The following MME variants were observed in gnomAD, a reference collection of about 807,000 sequenced individuals.
MME encodes neprilysin.
MME carries 98 observed loss-of-function variants against 113.2 expected under a neutral mutation model. The ratio of observed to expected loss-of-function variants is 0.87; its 90% CI spans 0.74 to 1.02. The LOEUF is 1.02. MME is among the 50% of genes least tolerant of loss of function. The probability of loss-of-function intolerance (pLI) is 0.00; values close to 1 mark genes in which losing one functional copy is unlikely to be tolerated. For synonymous variants in MME, 292 were observed against 300.6 expected, an observed-to-expected ratio of 0.97 and a Z score of 0.30; for missense variants, 836 against 896.0, an observed-to-expected ratio of 0.93 and a Z score of 0.86.
intron 1 of MME, among the ~76,000 whole-genome samples, chr3:155,042,214 A>G (rs1713344087): frequency 6.6e-6 from 1 of 151,508 alleles, no homozygotes; most frequent in Non-Finnish European, 1.5e-5. Flanking sequence ...TAGATTCTGA[A>G]CAATTGTTGC....
chr3:155,095,231 G>T (rs1256300484), intron 3 of MME, among the ~76,000 whole-genome samples: 1 of 152,174 alleles, frequency 6.6e-6, no homozygotes, highest in Admixed American at 6.5e-5. Flanking sequence ...AGATGTTAAG[G>T]GGTATAGGAA....
chr3:155,103,559 G>A (rs9834487), intron 3 of MME, among the ~76,000 whole-genome samples: 13,846 of 152,182 alleles, frequency 0.091, 786 homozygotes, highest in South Asian at 0.2. Context: ...AACAGTTTCC[G>A]GATGTGTTTC....
At chr3:155,031,159 T>G (rs1712956788) in intron 1 of MME, among the ~76,000 whole-genome samples, 1 of 152,272 alleles carries the variant, frequency 6.6e-6, no homozygotes, top group South Asian at 2.1e-4. Context: ...TTTACAGACA[T>G]GTTAAGCTTT....
chr3:155,169,123 A>G (rs1156283743), intron 20 of MME, among the ~76,000 whole-genome samples: 1 of 152,194 alleles, frequency 6.6e-6, no homozygotes, highest in Non-Finnish European at 1.5e-5. Context: ...TAATTTTTTT[A>G]GAAGAAATGT....
intron 1 of MME, among the ~76,000 whole-genome samples, chr3:155,055,697 C>T (rs79734515): frequency 0.01 from 1,536 of 152,160 alleles, 21 homozygotes; most frequent in African/African-American, 0.033. Context: ...TGTTTATTCT[C>T]GGGAGAGATG....
Position 155,160,423 on chromosome 3 carries a change from T to A in MME, c.1635T>A (p.Phe545Leu), listed in dbSNP as rs1223528672. Residue 545 changes from phenylalanine (F) to leucine (L), a missense_variant, in exon 17 of 23, where the codon TTT becomes TTA. Transcript: ENST00000360490. ...WISGAAVVNA[F>L]YSSGRNQIVF... ...GTGGAGCAGCTGTAGTCAATGCATTTTACTCTTCAGGAAGAAATCAGATAG... is the reference window on the plus strand; with the variant it reads ...GTGGAGCAGCTGTAGTCAATGCATTATACTCTTCAGGAAGAAATCAGATAG... 1 of 1,608,318 alleles carries A rather than the reference T, an allele frequency of 6.2e-7. No homozygotes were observed. Among genetic ancestry groups the A allele is most frequent in the Non-Finnish European group, 8.5e-7 (1 of 1,175,112 alleles).
intron 1 of MME, among the ~76,000 whole-genome samples, chr3:155,056,781 T>G (rs1713944176): frequency 6.6e-6 from 1 of 152,182 alleles, no homozygotes; most frequent in African/African-American, 2.4e-5. Flanking sequence ...TGAACTAGTT[T>G]ACAGTCCCAC....
At chr3:155,130,611 C>T (rs1056589570) in intron 8 of MME, among the ~76,000 whole-genome samples, 1 of 152,040 alleles carries the variant, frequency 6.6e-6, no homozygotes, top group Admixed American at 6.6e-5. Flanking sequence ...AGTCTGTGCT[C>T]CTAGATCAGA....
intron 1 of MME, among the ~76,000 whole-genome samples, chr3:155,038,806 C>T (rs1450180952): frequency 2.0e-5 from 3 of 152,116 alleles, no homozygotes; most frequent in Non-Finnish European, 4.4e-5. Context: ...ACAACTTTCC[C>T]CTTTTCACTT....
chr3:155,131,531 G>T (rs1329665151), intron 8 of MME, among the ~76,000 whole-genome samples: 2 of 152,160 alleles, frequency 1.3e-5, no homozygotes, highest in Admixed American at 6.6e-5. Flanking sequence ...GAATATGACA[G>T]AGAATTTTTG....
intron 8 of MME, among the ~76,000 whole-genome samples, chr3:155,124,468 G>A (rs1297569579): frequency 6.6e-6 from 1 of 152,168 alleles, no homozygotes; most frequent in Non-Finnish European, 1.5e-5. Flanking sequence ...GTGAGGAACT[G>A]CGTTCCTTTG....
intron 1 of MME, among the ~76,000 whole-genome samples, chr3:155,042,949 T>C (rs1713409173): frequency 7.8e-6 from 1 of 127,818 alleles, no homozygotes; most frequent in Non-Finnish European, 1.6e-5. Context: ...TGTATATATA[T>C]ATATATATAT....
At chr3:155,044,131 T>TC (rs1713458460) in intron 1 of MME, among the ~76,000 whole-genome samples, 1 of 142,976 alleles carries the variant, frequency 7.0e-6, no homozygotes, top group East Asian at 2.0e-4. Flanking sequence ...TTTTCTTTTT[T>TC]TTTTTTTTTT....
chr3:155,160,308 T>C lies in MME; in HGVS notation c.1602-82T>C, dbSNP rs1722622386. The C allele has an allele frequency of 1.4e-5, 13 of 933,860 alleles. 1 individual carries two copies. The highest frequency in any genetic ancestry group is 1.3e-4 in the South Asian group (10 of 75,880). The allele number at this position is 933,860 out of a possible 1,614,324, so 57.8% of individuals were successfully genotyped here. A position where few individuals can be genotyped will look rare whatever the true frequency, so the allele number is the denominator to read the frequency against. On this transcript the variant is annotated intron_variant, in intron 16 of 22. Transcript: ENST00000360490. ...CAGAAAGTTAAGATTCATCTAGGAA[T>C]GGTAATAATGCTTTAATTGTGTGAG...
At chr3:155,180,213 C>A (rs1712944625) in intron 22 of MME, 147 bp from the exon 23 acceptor site, 1 of 721,650 alleles carries the variant, frequency 1.4e-6, no homozygotes, top group Non-Finnish European at 2.5e-6. Flanking sequence ...TGAGAAGGCA[C>A]TGACTCATTG....
At chr3:155,139,042 A>G (rs917922958) in intron 9 of MME, among the ~76,000 whole-genome samples, 4 of 152,096 alleles carry the variant, frequency 2.6e-5, no homozygotes, top group Non-Finnish European at 2.9e-5. Flanking sequence ...AAGATCATGG[A>G]GGGCAATTTT....
At chr3:155,053,796 C>A (rs963657841) in intron 1 of MME, among the ~76,000 whole-genome samples, 48 of 152,270 alleles carry the variant, frequency 3.2e-4, no homozygotes, top group African/African-American at 1.1e-3. Context: ...GAGGGCAGAA[C>A]CACAGATACA....
chr3:155,103,124 T>C (rs1717402446), intron 3 of MME, among the ~76,000 whole-genome samples: 2 of 152,238 alleles, frequency 1.3e-5, no homozygotes, highest in South Asian at 4.1e-4. Context: ...CATATCCCAC[T>C]TGTTATTAGT....
At chr3:155,133,711 T>C (rs1220069547) in intron 8 of MME, among the ~76,000 whole-genome samples, 3 of 146,142 alleles carry the variant, frequency 2.1e-5, no homozygotes, top group Non-Finnish European at 4.5e-5. Context: ...AGTGTGTGTA[T>C]ATATATGGTG....
Sources: gnomAD v4.1 joint callset for allele counts (sites outside exome capture counted in the v4.1 genomes callset) on GRCh38, gnomAD v4.1.1 for gene constraint, MANE v1.5 for transcripts, NCBI Gene and HGNC (gene_info 2026-07-23, HGNC 2026-07-21) for gene names.